ERC2: variants seen among roughly 807,000 people sequenced by gnomAD.
The protein encoded by ERC2 is ELKS/RAB6-interacting/CAST family member 2.
In ERC2, 42 loss-of-function variants were observed where a neutral mutation model predicts 114.8. That is an observed-to-expected ratio of 0.37 (90% CI 0.29 to 0.47). The LOEUF is 0.47. ERC2 is among the 20% of genes least tolerant of loss of function. The pLI, the probability that ERC2 is intolerant of heterozygous loss-of-function variation, is 0.99. For missense variants in ERC2, 939 were observed against 1,150.7 expected (o/e 0.82, Z 2.66); for synonymous variants, 454 against 425.5 (o/e 1.07, Z -0.82).
chr3:55,562,820 G>C (rs1038316913), intron 17 of ERC2, among the ~76,000 whole-genome samples: 1 of 151,256 alleles, frequency 6.6e-6, no homozygotes, highest in Non-Finnish European at 1.5e-5. Flanking sequence ...AAATTTTTTT[G>C]TTGTTGTTTA....
chr3:56,292,266 C>T (rs928404904), intron 3 of ERC2, among the ~76,000 whole-genome samples: 2 of 152,060 alleles, frequency 1.3e-5, no homozygotes, highest in South Asian at 4.2e-4. Flanking sequence ...CTGCCAAGCA[C>T]AATTTGGGGA....
At chr3:55,544,462 T>G (rs180792992) in intron 17 of ERC2, among the ~76,000 whole-genome samples, 2 of 152,128 alleles carry the variant, frequency 1.3e-5, no homozygotes, top group East Asian at 3.9e-4. Flanking sequence ...GCCAAATCCT[T>G]CTCCACCTAA....
intron 6 of ERC2, among the ~76,000 whole-genome samples, chr3:56,120,972 T>C (rs7625220): frequency 0.18 from 26,766 of 152,076 alleles, 2,889 homozygotes; most frequent in African/African-American, 0.3. Context: ...GTAAAAGTAC[T>C]GATAAGTCTG....
intron 6 of ERC2, among the ~76,000 whole-genome samples, chr3:56,100,939 A>T (rs942127469): frequency 3.3e-5 from 5 of 152,314 alleles, no homozygotes; most frequent in South Asian, 4.1e-4. Flanking sequence ...TACCTCTAAC[A>T]GTTGTCCTCA....
At chr3:56,269,379 A>G (rs553133022) in intron 3 of ERC2, among the ~76,000 whole-genome samples, 14 of 152,344 alleles carry the variant, frequency 9.2e-5, no homozygotes, top group South Asian at 6.2e-4. Context: ...TAGATGATCC[A>G]AATTCAACAC....
At chr3:55,564,459 T>A (rs1278462166) in intron 17 of ERC2, among the ~76,000 whole-genome samples, 1 of 152,328 alleles carries the variant, frequency 6.6e-6, no homozygotes, top group African/African-American at 2.4e-5. Context: ...ATAAGTTGTT[T>A]AAATGCTTGA....
chr3:55,902,495 G>A (rs577661861), intron 13 of ERC2, among the ~76,000 whole-genome samples: 6 of 152,100 alleles, frequency 3.9e-5, no homozygotes, highest in African/African-American at 1.2e-4. Context: ...TTCTCCCCAC[G>A]TACAAAGCGG....
intron 17 of ERC2, among the ~76,000 whole-genome samples, chr3:55,644,692 T>C (rs1433721183): frequency 1.3e-5 from 2 of 151,928 alleles, no homozygotes; most frequent in African/African-American, 4.8e-5. Flanking sequence ...AAATAATATA[T>C]AATTTGGAGT....
At chr3:56,412,256 C>T (rs572818319) in intron 2 of ERC2, among the ~76,000 whole-genome samples, 9 of 152,216 alleles carry the variant, frequency 5.9e-5, no homozygotes, top group Non-Finnish European at 1.3e-4. Context: ...TCCCTCAGAG[C>T]CTTCAGAAGG....
intron 14 of ERC2, among the ~76,000 whole-genome samples, chr3:55,820,524 T>C (rs1244856042): frequency 2.0e-5 from 3 of 152,194 alleles, no homozygotes; most frequent in African/African-American, 7.2e-5. Flanking sequence ...TGAGCACTTA[T>C]GGTGTCTGAC....
At chr3:55,908,942 A>G (rs1445516999) in intron 13 of ERC2, among the ~76,000 whole-genome samples, 4 of 152,226 alleles carry the variant, frequency 2.6e-5, no homozygotes, top group African/African-American at 9.6e-5. Flanking sequence ...GACATGAAGT[A>G]GTCCCTCGAA....
chr3:56,187,489 A>C (rs1488716222), intron 3 of ERC2, among the ~76,000 whole-genome samples: 5 of 152,184 alleles, frequency 3.3e-5, no homozygotes, highest in African/African-American at 1.2e-4. Flanking sequence ...TTATTTTAGC[A>C]GTATAAGCCT....
chr3:55,533,369 C>A (rs1462816913), intron 17 of ERC2, among the ~76,000 whole-genome samples: 2 of 152,140 alleles, frequency 1.3e-5, no homozygotes, highest in African/African-American at 4.8e-5. Context: ...CCTCTGTGTC[C>A]GGAATGATAC....
intron 17 of ERC2, among the ~76,000 whole-genome samples, chr3:55,523,942 A>G (rs1001682568): frequency 3.3e-5 from 5 of 152,204 alleles, no homozygotes; most frequent in African/African-American, 1.2e-4. Context: ...GCCTAACAGG[A>G]GCTTCGTATG....
intron 3 of ERC2, among the ~76,000 whole-genome samples, chr3:56,222,704 T>C (rs188599562): frequency 6.6e-6 from 1 of 152,290 alleles, no homozygotes; most frequent in Non-Finnish European, 1.5e-5. Flanking sequence ...CCATAGTAAA[T>C]GCTCAACAAA....
At chr3:56,227,705 A>C (rs1166515363) in intron 3 of ERC2, among the ~76,000 whole-genome samples, 1 of 152,188 alleles carries the variant, frequency 6.6e-6, no homozygotes, top group Admixed American at 6.5e-5. Context: ...TGCTGGTGGG[A>C]ATGCAAATCA....
intron 14 of ERC2, among the ~76,000 whole-genome samples, chr3:55,832,397 C>T (rs2060644476): frequency 6.6e-6 from 1 of 152,214 alleles, no homozygotes; most frequent in Admixed American, 6.5e-5. Context: ...CCGGGTACTC[C>T]TCTGAGACAA....
intron 14 of ERC2, among the ~76,000 whole-genome samples, chr3:55,767,965 G>A (rs1210538405): frequency 6.6e-6 from 1 of 152,152 alleles, no homozygotes; most frequent in Non-Finnish European, 1.5e-5. Context: ...GATCATGGGG[G>A]CAGATTTCCC....
chr3:56,409,644 C>A (rs1483016137), intron 2 of ERC2, among the ~76,000 whole-genome samples: 1 of 151,586 alleles, frequency 6.6e-6, no homozygotes, highest in Admixed American at 6.6e-5. Flanking sequence ...GAAAAGTAGA[C>A]AGGGAGAGAA....
Sources: gnomAD v4.1 joint callset for allele counts (sites outside exome capture counted in the v4.1 genomes callset) on GRCh38, gnomAD v4.1.1 for gene constraint, MANE v1.5 for transcripts, NCBI Gene and HGNC (gene_info 2026-07-23, HGNC 2026-07-21) for gene names.